MADCAM1: variants seen among roughly 807,000 people sequenced by gnomAD.
MADCAM1 encodes mucosal vascular addressin cell adhesion molecule 1, also known as mucosal addressin cell adhesion molecule 1.
A neutral mutation model predicts 26.1 loss-of-function variants in MADCAM1; 19 were observed. The observed-to-expected ratio is 0.73, with a 90% CI of 0.51 to 1.07. MADCAM1 has a LOEUF of 1.07. Ranked by LOEUF, MADCAM1 falls within the 50% of genes least tolerant of loss-of-function variation. The pLI is 0.00. For synonymous variants in MADCAM1, 268 were observed against 260.9 expected (o/e 1.03, Z -0.26); for missense variants, 514 against 542.1 (o/e 0.95, Z 0.51).
intron 1 of MADCAM1, 93 bp from the exon 2 acceptor site, chr19:497,740 G>C: frequency 9.5e-7 from 1 of 1,049,426 alleles, no homozygotes; most frequent in East Asian, 3.4e-5. Context: ...GGCAGAGGCG[G>C]GGCGGGGTCC....
At chr19:501,644 A>T in intron 3 of MADCAM1, 25 bp from the exon 4 acceptor site, 1 of 1,564,938 alleles carries the variant, frequency 6.4e-7, no homozygotes, top group Non-Finnish European at 8.6e-7. Context: ...CAGAGAGGAA[A>T]AAAAAACCCT....
intron 4 of MADCAM1, among the ~76,000 whole-genome samples, chr19:503,394 AC>A (rs2070298345): frequency 6.6e-6 from 1 of 151,428 alleles, no homozygotes; most frequent in African/African-American, 2.4e-5. Context: ...ATCCTGGCTA[AC>A]ACGGTGAAAC....
intron 1 of MADCAM1, 129 bp from the exon 2 acceptor site, chr19:497,704 G>T: frequency 1.4e-6 from 1 of 730,906 alleles, no homozygotes; most frequent in Non-Finnish European, 1.9e-6. Context: ...AGGGGTCCGG[G>T]GGTGCAGCGG....
chr19:500,848 C>T (rs1296224718), intron 3 of MADCAM1, among the ~76,000 whole-genome samples: 3 of 151,494 alleles, frequency 2.0e-5, no homozygotes, highest in African/African-American at 7.3e-5. Flanking sequence ...CCAGCCTGGG[C>T]AACAGAACGA....
intron 4 of MADCAM1, among the ~76,000 whole-genome samples, chr19:502,307 C>G (rs1295760736): frequency 6.6e-6 from 1 of 151,922 alleles, no homozygotes; most frequent in Non-Finnish European, 1.5e-5. Context: ...TAATTTCTTT[C>G]CTTTTTTTTT....
rs762606364 is a variant in MADCAM1 at position 501,824 on chromosome 19, C to A, written c.823C>A (p.Gln275Lys). The A allele has an allele frequency of 2.8e-6, 4 of 1,408,462 alleles. No individual in the cohort carries two copies. Among genetic ancestry groups the A allele is most frequent in the Non-Finnish European group, 3.7e-6 (4 of 1,066,914 alleles). 87.2% of individuals were successfully genotyped at this position (1,408,462 alleles called of 1,614,324 possible). A position where few individuals can be genotyped will look rare whatever the true frequency, so the allele number is the denominator to read the frequency against. ...CAAGACCTCCCCGGAGCCCGCCCCCCAGCAGGGCTCCACACACACCCCCAG... is the reference window on the plus strand; with the variant it reads ...CAAGACCTCCCCGGAGCCCGCCCCCAAGCAGGGCTCCACACACACCCCCAG... The part of the protein sequence containing the change: ...PDKTSPEPAP[Q>K]QGSTHTPRSP... Residue 275 changes from glutamine (Q) to lysine (K), a missense_variant, in exon 4 of 5, where the codon CAG (glutamine) becomes AAG (lysine). Gln to Lys is a moderately conservative substitution (Grantham distance 53). This residue lies in a region of MADCAM1 where 45 missense variants were observed against 91.8 expected (regional missense o/e 0.49). Coordinates refer to ENST00000215637, the MANE Select transcript of MADCAM1 (RefSeq NM_130760.3).
Position 498,695 on chromosome 19 carries a change from G to A in MADCAM1, c.537G>A (p.Glu179=). 1 of 1,448,592 alleles carries A rather than the reference G, an allele frequency of 6.9e-7. No individual in the cohort carries two copies. Among genetic ancestry groups the A allele is most frequent in the Non-Finnish European group, 9.1e-7 (1 of 1,104,614 alleles). 89.7% of individuals were successfully genotyped at this position (1,448,592 alleles called of 1,614,324 possible). The change falls in exon 3 of 5, where the codon GAG becomes GAA. Residue 179 remains glutamate, a synonymous_variant. Transcript: ENST00000215637. ...QEEEEEPQGD[E]DVLFRVTERW... is the part of the protein sequence containing the mutation. ...AGGAGGAGGAGCCCCAGGGGGACGA[G>A]GACGTGCTGTTCAGGGTGACAGAGC...
intron 3 of MADCAM1, chr19:499,149 T>C (rs1978304392): frequency 3.5e-6 from 2 of 568,254 alleles, no homozygotes; most frequent in Admixed American, 4.4e-5. Context: ...TTTCTCCCCC[T>C]CCTCATTCTG....
intron 4 of MADCAM1, 21 bp downstream of exon 4, chr19:501,950 G>A (rs778211755): frequency 9.3e-6 from 13 of 1,390,888 alleles, no homozygotes; most frequent in African/African-American, 1.5e-5. Flanking sequence ...GTCCCTGGGG[G>A]CAGGGAGGGT....
intron 3 of MADCAM1, among the ~76,000 whole-genome samples, chr19:501,212 G>A (rs78283251): frequency 0.12 from 18,339 of 150,860 alleles, 2,644 homozygotes; most frequent in African/African-American, 0.35. Context: ...CAGGCCGGGC[G>A]TGGTGGCTCA....
At chr19:501,135 T>C (rs1978321015) in intron 3 of MADCAM1, among the ~76,000 whole-genome samples, 1 of 150,010 alleles carries the variant, frequency 6.7e-6, no homozygotes, top group Non-Finnish European at 1.5e-5. Context: ...GCTGCAGTGA[T>C]CCATGATCAC....
At position 497,813 on chromosome 19, in the gene MADCAM1, G is replaced by C; in HGVS notation, c.53-20G>C. ...GGTCCGGGACTCCGCGGGGCTGAGC[G>C]AGAGCCGCGGTCGCCGCAGGCCAGT... On this transcript the variant is annotated intron_variant, in intron 1 of 4. Transcript: ENST00000215637. 7.9e-7 allele frequency: 1 copy of C among 1,269,036 alleles called. No homozygotes were observed. The highest frequency in any genetic ancestry group is 3.2e-5 in the East Asian group (1 of 31,206). The allele number at this position is 1,269,036 out of a possible 1,614,324, so 78.6% of individuals were successfully genotyped here.
chr19:503,431 A>G (rs1295206288), intron 4 of MADCAM1, among the ~76,000 whole-genome samples: 1 of 151,202 alleles, frequency 6.6e-6, no homozygotes, highest in Non-Finnish European at 1.5e-5. Flanking sequence ...AATACAAAAA[A>G]TTAGCCGGGC....
rs577512877 is a variant in MADCAM1, at chr19:500,013, C to G, written c.667+1188C>G. On this transcript the variant is annotated intron_variant, in intron 3 of 4. Coordinates refer to ENST00000215637, the MANE Select transcript of MADCAM1 (RefSeq NM_130760.3). ...GTGGTGGGGGTGGGGCTGGGGTGGG[C>G]AGAGAGGAGGCTGGATTTGAGGGAT... 260 of 452,612 alleles carry G rather than the reference C, an allele frequency of 5.7e-4. 1 individual carries two copies. The highest frequency in any genetic ancestry group is 4.8e-3 in the African/African-American group (241 of 49,816). 28.0% of individuals were successfully genotyped at this position (452,612 alleles called of 1,614,324 possible).
At chr19:497,616 G>A (rs1978291787) in intron 1 of MADCAM1, among the ~76,000 whole-genome samples, 1 of 151,780 alleles carries the variant, frequency 6.6e-6, no homozygotes, top group Non-Finnish European at 1.5e-5. Context: ...GGCAGCTGGG[G>A]TTCGGGGGAC....
In MADCAM1 at chr19:504,864, G is replaced by A. The variant is rs923239995; in HGVS notation, c.1048G>A (p.Glu350Lys). 3 of 1,613,002 alleles carry A rather than the reference G, an allele frequency of 1.9e-6. No homozygotes were observed. Among genetic ancestry groups the A allele is most frequent in the Non-Finnish European group, 2.5e-6 (3 of 1,179,986 alleles). ...CTGGAAACGCTGCCGGCACCTGGCT[G>A]AGGACGACACCCACCCACCAGCTTC... ...HLWKRCRHLAEDDTHPPASLR... is the reference protein window; with the variant it reads ...HLWKRCRHLAKDDTHPPASLR... Residue 350 changes from glutamate to lysine, a missense_variant, in exon 5 of 5, where the codon GAG (glutamate) becomes AAG (lysine). By Grantham distance (56) the Glu-to-Lys change is moderately conservative. Coordinates refer to ENST00000215637, the MANE Select transcript of MADCAM1 (RefSeq NM_130760.3).
At chr19:504,518 G>A (rs750456521) in intron 4 of MADCAM1, among the ~76,000 whole-genome samples, 21 of 152,180 alleles carry the variant, frequency 1.4e-4, no homozygotes, top group African/African-American at 3.4e-4. Flanking sequence ...TTGGCCTCCC[G>A]AAGTGCTGGG....
At position 499,685 on chromosome 19, in the gene MADCAM1, G is replaced by A. The variant is rs534205241; in HGVS notation, c.667+860G>A. The A allele has an allele frequency of 2.1e-3, 823 of 389,878 alleles. 4 individuals carry two copies. The highest frequency in any genetic ancestry group is 0.016 in the African/African-American group (748 of 47,790). 24.2% of individuals were successfully genotyped at this position (389,878 alleles called of 1,614,324 possible). A position where few individuals can be genotyped will look rare whatever the true frequency, so the allele number is the denominator to read the frequency against. ...TCTCCCACTGTGGCTCCCCAGGTGG[G>A]AATCTTGTGTCGCGCACGGCTGTGT... On this transcript the variant is annotated intron_variant, in intron 3 of 4. Coordinates refer to ENST00000215637, the MANE Select transcript of MADCAM1 (RefSeq NM_130760.3).
In MADCAM1 at chr19:503,387, C is replaced by G. The variant is rs537293156; in HGVS notation, c.929-1358C>G. On this transcript the variant is annotated intron_variant, in intron 4 of 4. Coordinates refer to ENST00000215637, the MANE Select transcript of MADCAM1 (RefSeq NM_130760.3). ...ACGAGGTCAGGAGATCGAGACCATC[C>G]TGGCTAACACGGTGAAACCCCGTCT... is the stretch of plus-strand genomic sequence containing the variant. Among the ~76,000 whole-genome samples, 6 of 151,580 alleles carry G rather than the reference C, an allele frequency of 4.0e-5. No individual in the cohort carries two copies. The East Asian group carries it at 7.9e-4, about 20-fold the overall frequency.
Sources: allele counts gnomAD v4.1 joint callset (sites outside exome capture counted in the v4.1 genomes callset), GRCh38; gene constraint gnomAD v4.1.1; regional missense constraint gnomAD v4.1.1; transcripts MANE v1.5; gene names NCBI Gene and HGNC (gene_info 2026-07-23, HGNC 2026-07-21).